PLA2G4D: variants seen among roughly 807,000 people sequenced by gnomAD.
PLA2G4D encodes the protein phospholipase A2 group IVD, also known as cytosolic phospholipase A2 delta.
In PLA2G4D, 80 loss-of-function variants were observed where a neutral mutation model predicts 94.4. The observed-to-expected ratio is 0.85, with a 90% CI of 0.71 to 1.02. The LOEUF is 1.02. Ranked by LOEUF, PLA2G4D falls within the 50% of genes least tolerant of loss-of-function variation. The pLI is 0.00. For missense variants in PLA2G4D, 1,050 were observed against 1,034.7 expected (o/e 1.01, Z -0.20); for synonymous variants, 438 against 440.9 (o/e 0.99, Z 0.08).
chr15:42,074,511 G>A (rs1028713244), intron 13 of PLA2G4D, among the ~76,000 whole-genome samples: 1 of 152,200 alleles, frequency 6.6e-6, no homozygotes, highest in Non-Finnish European at 1.5e-5. Flanking sequence ...AAGTTTCGAA[G>A]AGATGAGAGT....
At chr15:42,076,074 G>A (rs192960662) in intron 13 of PLA2G4D, among the ~76,000 whole-genome samples, 49 of 152,348 alleles carry the variant, frequency 3.2e-4, no homozygotes, top group Admixed American at 1.6e-3. Context: ...TTTAGTCAGT[G>A]TGCTGTTGGC....
intron 13 of PLA2G4D, among the ~76,000 whole-genome samples, chr15:42,076,854 T>C (rs1021121517): frequency 6.6e-6 from 1 of 152,274 alleles, no homozygotes. Context: ...CTACTGGGTA[T>C]GTATCTTGGA....
At chr15:42,075,670 C>G (rs1889906195) in intron 13 of PLA2G4D, among the ~76,000 whole-genome samples, 1 of 152,064 alleles carries the variant, frequency 6.6e-6, no homozygotes, top group Non-Finnish European at 1.5e-5. Flanking sequence ...GCAGATCACT[C>G]AAGGCCAGGA....
intron 1 of PLA2G4D, among the ~76,000 whole-genome samples, chr15:42,088,758 C>T (rs1174603285): frequency 6.6e-6 from 1 of 152,148 alleles, no homozygotes; most frequent in Non-Finnish European, 1.5e-5. Context: ...GCAGAAAGAG[C>T]CCATGTCCAG....
At chr15:42,071,390 C>A in intron 16 of PLA2G4D, 54 bp downstream of exon 16, 1 of 1,572,318 alleles carries the variant, frequency 6.4e-7, no homozygotes, top group Admixed American at 1.9e-5. Context: ...ACACCGCAAG[C>A]ATTCTAAAGG....
intron 19 of PLA2G4D, 53 bp from the exon 20 acceptor site, chr15:42,068,994 C>T: frequency 6.6e-7 from 1 of 1,513,180 alleles, no homozygotes. Flanking sequence ...CTTCTACAGC[C>T]TGGCAGCGGC....
intron 13 of PLA2G4D, among the ~76,000 whole-genome samples, chr15:42,077,773 G>A (rs185829022): frequency 3.9e-5 from 6 of 152,336 alleles, no homozygotes; most frequent in East Asian, 1.9e-4. Context: ...CAGGGCCTAC[G>A]CCCATAACAT....
intron 1 of PLA2G4D, among the ~76,000 whole-genome samples, chr15:42,091,683 C>G (rs1890248329): frequency 6.6e-6 from 1 of 152,214 alleles, no homozygotes; most frequent in African/African-American, 2.4e-5. Flanking sequence ...GCCTAACCAT[C>G]TCCCTGTGAT....
Position 42,068,668 on chromosome 15 carries a change from A to T in PLA2G4D, c.*47T>A. 3 of 1,526,838 alleles carry T rather than the reference A, an allele frequency of 2.0e-6. No individual in the cohort carries two copies. The highest frequency in any genetic ancestry group is 2.7e-6 in the Non-Finnish European group (3 of 1,125,394). 94.6% of individuals were successfully genotyped at this position (1,526,838 alleles called of 1,614,324 possible). A position where few individuals can be genotyped will look rare whatever the true frequency, so the allele number is the denominator to read the frequency against. On this transcript the variant is annotated 3_prime_UTR_variant, in exon 20 of 20. Transcript: ENST00000290472. ...CTGTGGCTGAGCCCAGCTACAGATC[A>T]GGTTATGCCCGCAGGCCCTGGAGGG... is the stretch of plus-strand genomic sequence containing the variant.
chr15:42,077,542 A>G (rs898120938), intron 13 of PLA2G4D, among the ~76,000 whole-genome samples: 1 of 152,198 alleles, frequency 6.6e-6, no homozygotes, highest in Non-Finnish European at 1.5e-5. Context: ...TACCTCTCCT[A>G]GGACCTTTGT....
chr15:42,084,987 G>A lies in PLA2G4D; in HGVS notation c.471+109C>T, dbSNP rs898374231. The stretch of plus-strand genomic sequence containing the variant: ...GGAAGGCTAGGGGTGGTTTTACCAC[G>A]AAGCCCTGCCCCTTCCTTGTCCCTG... On this transcript the variant is annotated intron_variant, in intron 6 of 19. Coordinates refer to ENST00000290472, the MANE Select transcript of PLA2G4D (RefSeq NM_178034.4). The surrounding 1 kb of genome is among the most constrained non-coding windows in gnomAD (Gnocchi z 4.8). 1.0e-4 allele frequency: 132 copies of A among 1,309,054 alleles called. 1 individual carries two copies. The Admixed American group carries it at 1.3e-3, about 12-fold the overall frequency. 81.1% of individuals were successfully genotyped at this position (1,309,054 alleles called of 1,614,324 possible).
chr15:42,079,271 C>A (rs911691608), intron 13 of PLA2G4D, among the ~76,000 whole-genome samples: 1 of 152,220 alleles, frequency 6.6e-6, no homozygotes, highest in Non-Finnish European at 1.5e-5. Flanking sequence ...CAATCTTACC[C>A]ATTCAAAACA....
At position 42,071,200 on chromosome 15, in the gene PLA2G4D, T is replaced by C; in HGVS notation, c.1799A>G (p.Gln600Arg). The change falls in exon 17 of 20, where the codon CAG becomes CGG. Residue 600 changes from glutamine (Q) to arginine (R), a missense_variant. Transcript: ENST00000290472. ...GCCCTGGAGGAAGTTGGGGCTGCGC[T>C]GGTGGAGGGGCCTGCCTGTCAGGAA... is the stretch of plus-strand genomic sequence containing the variant. ...KGFLTGRPLH[Q>R]RSPNFLQGLQ... 6.2e-7 allele frequency: 1 copy of C among 1,613,432 alleles called. No homozygotes were observed.
chr15:42,090,168 GT>G (rs1437212392), intron 1 of PLA2G4D, among the ~76,000 whole-genome samples: 1 of 152,114 alleles, frequency 6.6e-6, no homozygotes, highest in African/African-American at 2.4e-5. Flanking sequence ...AAACTTCTCT[GT>G]GCCTCTGTTT....
intron 12 of PLA2G4D, among the ~76,000 whole-genome samples, chr15:42,080,413 G>A (rs570173032): frequency 6.6e-6 from 1 of 152,208 alleles, no homozygotes; most frequent in South Asian, 2.1e-4. Context: ...TCATGCTGCG[G>A]GGTGAGGGCG....
At chr15:42,079,491 C>A (rs1323983385) in intron 13 of PLA2G4D, 46 bp downstream of exon 13, 3 of 1,533,614 alleles carry the variant, frequency 2.0e-6, no homozygotes, top group Non-Finnish European at 2.6e-6. Context: ...TGCCTTCGCC[C>A]CCGCGGTGCA....
rs1434233209 is a variant in PLA2G4D at position 42,084,049 on chromosome 15, C to T, written c.472-270G>A. On this transcript the variant is annotated intron_variant, in intron 6 of 19. Coordinates refer to ENST00000290472, the MANE Select transcript of PLA2G4D (RefSeq NM_178034.4). The surrounding 1 kb of genome is among the most constrained non-coding windows in gnomAD (Gnocchi z 4.8). ...GCCAAACTCCCGAAACCTCCTAGAG[C>T]GCCCAGCCCTCAGACACAGCTGTTT... The T allele has an allele frequency of 6.4e-6, 3 of 467,546 alleles. No homozygotes were observed. Among genetic ancestry groups the T allele is most frequent in the South Asian group, 3.1e-5 (1 of 32,592 alleles). 29.0% of individuals were successfully genotyped at this position (467,546 alleles called of 1,614,324 possible).
chr15:42,085,267 A>G, intron 5 of PLA2G4D, 129 bp from the exon 6 acceptor site: 1 of 1,161,582 alleles, frequency 8.6e-7, no homozygotes, highest in South Asian at 1.3e-5. Flanking sequence ...ACAAGGGGAG[A>G]TGCTTTGCAG....
In PLA2G4D at chr15:42,071,463, C is replaced by T. The variant is rs200998251; in HGVS notation, c.1662G>A (p.Lys554=). 4.5e-5 allele frequency: 72 copies of T among 1,613,348 alleles called. No homozygotes were observed. Among genetic ancestry groups the T allele is most frequent in the Non-Finnish European group, 5.9e-5 (70 of 1,179,616 alleles). ...SSGESWKQHI[K]DKTRSLEKEP... is the part of the protein sequence containing the mutation. ...TCCCACCTAAGCTCCTGGTCTTGTCCTTGATGTGCTGTTTCCAGGACTCCC... is the reference window on the plus strand; with the variant it reads ...TCCCACCTAAGCTCCTGGTCTTGTCTTTGATGTGCTGTTTCCAGGACTCCC... The change falls in exon 16 of 20, where the codon AAG becomes AAA. Residue 554 remains lysine (K), a synonymous_variant. Coordinates refer to ENST00000290472, the MANE Select transcript of PLA2G4D (RefSeq NM_178034.4).
Sources: allele counts gnomAD v4.1 joint callset (sites outside exome capture counted in the v4.1 genomes callset), GRCh38; gene constraint gnomAD v4.1.1; non-coding constraint Gnocchi (gnomAD v3.1); transcripts MANE v1.5; gene names NCBI Gene and HGNC (gene_info 2026-07-23, HGNC 2026-07-21).